JADE3: variants seen among roughly 807,000 people sequenced by gnomAD.
JADE3 encodes the protein protein Jade-3.
Under a neutral mutation model 50.1 loss-of-function variants are expected in JADE3, and 2 were observed. The ratio of observed to expected loss-of-function variants is 0.04; its 90% confidence interval spans 0.02 to 0.13. JADE3 has a LOEUF of 0.13. JADE3 is among the 10% of genes least tolerant of loss of function. The pLI, the probability that JADE3 is intolerant of heterozygous loss-of-function variation, is 1.00. For synonymous variants in JADE3, 218 were observed against 232.9 expected (o/e 0.94, Z 0.58); for missense variants, 475 against 634.4 (o/e 0.75, Z 2.70).
intron 1 of JADE3, among the ~76,000 whole-genome samples, chrX:46,921,326 G>T (rs1021563187): frequency 8.9e-6 from 1 of 112,371 alleles, no homozygotes; most frequent in African/African-American, 3.2e-5. Context: ...TGATCCTCCT[G>T]CTTTGGCTTC....
intron 1 of JADE3, among the ~76,000 whole-genome samples, chrX:46,946,338 G>T (rs1188107357): frequency 1.8e-5 from 2 of 111,617 alleles, no homozygotes; most frequent in Non-Finnish European, 3.8e-5. Flanking sequence ...TTAAGAGGCA[G>T]TTGGCAGGAT....
At chrX:46,998,670 T>TTTTA (rs1245937125) in intron 4 of JADE3, among the ~76,000 whole-genome samples, 1 of 110,255 alleles carries the variant, frequency 9.1e-6, no homozygotes, top group African/African-American at 3.3e-5. Context: ...CCTGAGTCTG[T>TTTTA]TTTATTTATT....
At chrX:46,925,124 A>G (rs1556338604) in intron 1 of JADE3, among the ~76,000 whole-genome samples, 1 of 112,202 alleles carries the variant, frequency 8.9e-6, no homozygotes, top group African/African-American at 3.2e-5. Flanking sequence ...TAAGAATTCT[A>G]TTTTTATACT....
At chrX:46,938,352 G>T (rs1293405298) in intron 1 of JADE3, among the ~76,000 whole-genome samples, 1 of 110,491 alleles carries the variant, frequency 9.1e-6, no homozygotes, top group Admixed American at 9.6e-5. Context: ...GTTTTTTGTG[G>T]TTGTTCTAGG....
Position 47,007,807 on chromosome X carries a change from TTGTGTGTGTG to T in JADE3, c.284+9570_284+9579del, listed in dbSNP as rs782728907. Among the ~76,000 whole-genome samples, 67 of 70,803 alleles carry T rather than the reference TTGTGTGTGTG, an allele frequency of 9.5e-4. 3 individuals carry two copies. The South Asian group carries it at 0.032, about 34-fold the overall frequency. The allele number at this position is 70,803 out of a possible 115,157, so 61.5% of individuals were successfully genotyped here. A position where few individuals can be genotyped will look rare whatever the true frequency, so the allele number is the denominator to read the frequency against. ...TAGGACTTCAGCGTGTCCTTTTATT[TTGTGTGTGTG>T]TGTGTGTGTGTGTGTGTGTGTGTGT... is the stretch of plus-strand genomic sequence containing the variant. On this transcript the variant is annotated intron_variant, in intron 4 of 10. Transcript: ENST00000614628.
intron 8 of JADE3, among the ~76,000 whole-genome samples, chrX:47,041,737 G>T (rs781859305): frequency 1.9e-5 from 2 of 105,862 alleles, no homozygotes; most frequent in African/African-American, 3.5e-5. Context: ...GTGCAATGGC[G>T]CAATCTCAGC....
chrX:46,957,664 T>A (rs921514523), intron 1 of JADE3, among the ~76,000 whole-genome samples: 47 of 112,326 alleles, frequency 4.2e-4, no homozygotes, highest in African/African-American at 1.5e-3. Flanking sequence ...CCAACTCACT[T>A]TAAATATGTA....
At chrX:46,921,392 C>T (rs1461249325) in intron 1 of JADE3, among the ~76,000 whole-genome samples, 1 of 112,305 alleles carries the variant, frequency 8.9e-6, no homozygotes, top group Non-Finnish European at 1.9e-5. Context: ...CTTTTTTCTT[C>T]TTTTTCAGAG....
At chrX:46,938,220 A>T (rs1367656932) in intron 1 of JADE3, among the ~76,000 whole-genome samples, 1 of 110,341 alleles carries the variant, frequency 9.1e-6, no homozygotes, top group Non-Finnish European at 1.9e-5. Flanking sequence ...GTCGTTTTTT[A>T]TTTTTGATAC....
chrX:47,022,955 T>C (rs1359852762), intron 4 of JADE3, among the ~76,000 whole-genome samples: 1 of 111,418 alleles, frequency 9.0e-6, no homozygotes, highest in Non-Finnish European at 1.9e-5. Context: ...CTCCATGGCC[T>C]CTTGGCTTTA....
intron 1 of JADE3, among the ~76,000 whole-genome samples, chrX:46,951,187 C>T (rs1430568887): frequency 2.8e-5 from 3 of 106,491 alleles, no homozygotes; most frequent in African/African-American, 1.0e-4. Flanking sequence ...CAAGCGATTT[C>T]TGGCTAACTT....
Position 47,058,975 on chromosome X carries a change from G to T in JADE3, c.2370G>T (p.Arg790Ser). The T allele has an allele frequency of 1.7e-6, 2 of 1,210,409 alleles. No homozygotes were observed. The highest frequency in any genetic ancestry group is 3.5e-5 in the South Asian group (2 of 56,924). The stretch of plus-strand genomic sequence containing the variant: ...GGAATAAAGAAAAAGTCAGGGTAAG[G>T]AAAGATAGCTCAGACAGGGAAAATC... ...SDGNKEKVRV[R>S]KDSSDRENPP... The change falls in exon 11 of 11, where the codon AGG (arginine) becomes AGT (serine). Residue 790 changes from arginine (R) to serine (S), a missense_variant. Around this residue, in one of 6 missense-constraint regions of JADE3, gnomAD observed 243 missense variants for 238.2 expected, o/e 1.02. Transcript: ENST00000614628.
At chrX:46,920,459 C>T (rs781901431) in intron 1 of JADE3, among the ~76,000 whole-genome samples, 23 of 112,745 alleles carry the variant, frequency 2.0e-4, no homozygotes, top group South Asian at 3.7e-4. Context: ...GTTCATTCAC[C>T]TGTCGAAGGA....
intron 1 of JADE3, among the ~76,000 whole-genome samples, chrX:46,943,355 T>G (rs181631950): frequency 8.9e-6 from 1 of 111,861 alleles, no homozygotes; most frequent in African/African-American, 3.2e-5. Context: ...TGGCTCTTAT[T>G]ATTTTGAGGT....
At chrX:47,052,218 CT>C (rs202031822) in intron 8 of JADE3, among the ~76,000 whole-genome samples, 2,604 of 110,618 alleles carry the variant, frequency 0.024, 39 homozygotes, top group African/African-American at 0.051. Flanking sequence ...TTGCCCCCCC[CT>C]ATGAATAGTC....
chrX:47,036,182 GTTGT>G (rs1929129220), intron 7 of JADE3, among the ~76,000 whole-genome samples: 1 of 111,192 alleles, frequency 9.0e-6, no homozygotes, highest in Non-Finnish European at 1.9e-5. Context: ...TTTTGATGGG[GTTGT>G]TTGTTTTTTT....
chrX:47,033,449 G>A (rs1755953695), intron 6 of JADE3, among the ~76,000 whole-genome samples, 172 bp from the exon 7 acceptor site: 1 of 111,545 alleles, frequency 9.0e-6, no homozygotes, highest in South Asian at 3.8e-4. Flanking sequence ...AGAGATGCTG[G>A]AAGTTGCTTT....
At chrX:47,020,920 G>A (rs1928779908) in intron 4 of JADE3, among the ~76,000 whole-genome samples, 1 of 110,304 alleles carries the variant, frequency 9.1e-6, no homozygotes, top group African/African-American at 3.3e-5. Flanking sequence ...TTCAAGACTA[G>A]CCTGGGCAAC....
chrX:46,945,553 A>C (rs951791210), intron 1 of JADE3, among the ~76,000 whole-genome samples: 1 of 111,275 alleles, frequency 9.0e-6, no homozygotes, highest in Non-Finnish European at 1.9e-5. Flanking sequence ...CCACTCATGC[A>C]GTACTCAACT....
Sources: gnomAD v4.1 joint callset for allele counts (sites outside exome capture counted in the v4.1 genomes callset) on GRCh38, gnomAD v4.1.1 for gene constraint, gnomAD v4.1.1 regional missense constraint, MANE v1.5 for transcripts, NCBI Gene and HGNC (gene_info 2026-07-23, HGNC 2026-07-21) for gene names.